IL12RB1: variants seen among roughly 807,000 people sequenced by gnomAD.
The protein encoded by IL12RB1 is interleukin 12 receptor subunit beta 1, also known as interleukin-12 receptor subunit beta-1.
In IL12RB1, 64 loss-of-function variants were observed where a neutral mutation model predicts 94.4. That is an observed-to-expected ratio of 0.68 (90% confidence interval 0.55 to 0.83). The LOEUF is 0.83. Ranked by LOEUF, IL12RB1 falls within the 40% of genes least tolerant of loss-of-function variation. The pLI is 0.00. For synonymous variants in IL12RB1, 362 were observed against 355.5 expected, an observed-to-expected ratio of 1.02 and a Z score of -0.21; for missense variants, 814 against 855.6, an observed-to-expected ratio of 0.95 and a Z score of 0.61.
chr19:18,069,471 G>T, intron 10 of IL12RB1, 75 bp downstream of exon 10: 1 of 1,374,548 alleles, frequency 7.3e-7, no homozygotes, highest in Non-Finnish European at 9.8e-7. Flanking sequence ...TGCCTTCCCT[G>T]CAGGTTTGAA....
rs117290375 is a variant in IL12RB1 at position 18,059,367 on chromosome 19, A to G, written c.*241T>C. ...CATTCCCAGTCCATTCTACGCCAGA[A>G]CAGGTAAATGGCAGGGTCTGCTCCT... On this transcript the variant is annotated 3_prime_UTR_variant, in exon 17 of 17. Coordinates refer to ENST00000593993, the MANE Select transcript of IL12RB1 (RefSeq NM_005535.3). 404 of 599,398 alleles carry G rather than the reference A, an allele frequency of 6.7e-4. 3 individuals carry two copies. In the East Asian group the frequency reaches 0.01, roughly 15 times the overall value. 37.1% of individuals were successfully genotyped at this position (599,398 alleles called of 1,614,324 possible). A position where few individuals can be genotyped will look rare whatever the true frequency, so the allele number is the denominator to read the frequency against.
chr19:18,092,422 G>A (rs1017966097), intron 1 of IL12RB1, among the ~76,000 whole-genome samples: 11 of 151,970 alleles, frequency 7.2e-5, no homozygotes, highest in Non-Finnish European at 1.6e-4. Context: ...CCTGGTAAGC[G>A]GGGTTTGCGG....
At chr19:18,061,496 C>T (rs1421290445) in intron 14 of IL12RB1, among the ~76,000 whole-genome samples, 1 of 152,142 alleles carries the variant, frequency 6.6e-6, no homozygotes, top group African/African-American at 2.4e-5. Flanking sequence ...TCCCAAAGTG[C>T]TGGGATTACA....
Position 18,071,456 on chromosome 19 carries a change from G to A in IL12RB1, c.1021+656C>T, listed in dbSNP as rs2045386. On this transcript the variant is annotated intron_variant, in intron 9 of 16. Coordinates refer to ENST00000593993, the MANE Select transcript of IL12RB1 (RefSeq NM_005535.3). ...GTGTAGCTCTATCAACCAGGGTGGA[G>A]CGCAGTGGCTCAGCTAGTTTTTGTT... 0.41 allele frequency: 191,439 copies of A among 462,620 alleles called. 40,306 individuals carry two copies. Among genetic ancestry groups the A allele is most frequent in the South Asian group, 0.52 (27,416 of 52,486 alleles). The allele number at this position is 462,620 out of a possible 1,614,324, so 28.7% of individuals were successfully genotyped here.
chr19:18,094,765 C>T (rs1383432388), intron 1 of IL12RB1, among the ~76,000 whole-genome samples: 4 of 152,186 alleles, frequency 2.6e-5, no homozygotes, highest in African/African-American at 7.2e-5. Flanking sequence ...CTCCGCCCTC[C>T]AGCCTGGGCG....
At chr19:18,065,766 C>A (rs2146153826) in intron 12 of IL12RB1, among the ~76,000 whole-genome samples, 1 of 152,128 alleles carries the variant, frequency 6.6e-6, no homozygotes, top group East Asian at 1.9e-4. Context: ...TTGCAGTGAG[C>A]TGAGATGGCG....
intron 6 of IL12RB1, 146 bp from the exon 7 acceptor site, chr19:18,076,014 C>T (rs1599522591): frequency 1.3e-6 from 1 of 798,848 alleles, no homozygotes. Context: ...AGGCCAGGCC[C>T]TGTCCTCTTA....
upstream of IL12RB1, among the ~76,000 whole-genome samples, chr19:18,089,868 C>A (rs1250959053): frequency 6.6e-6 from 1 of 152,146 alleles, no homozygotes; most frequent in Non-Finnish European, 1.5e-5. Context: ...GTCAGGCGCC[C>A]AGCAGGCTAT....
intron 1 of IL12RB1, among the ~76,000 whole-genome samples, chr19:18,086,356 G>A (rs547912418): frequency 6.6e-6 from 1 of 152,092 alleles, no homozygotes; most frequent in African/African-American, 2.4e-5. Context: ...TTGGATTTTG[G>A]TATCTGCAGA....
At chr19:18,085,740 C>T (rs955861776) in intron 1 of IL12RB1, among the ~76,000 whole-genome samples, 1 of 152,008 alleles carries the variant, frequency 6.6e-6, no homozygotes, top group African/African-American at 2.4e-5. Context: ...TCCTAAGTAG[C>T]TGGGAGTACA....
At chr19:18,086,224 GTAAATAAATAAATAAA>G (rs71833814) in intron 1 of IL12RB1, among the ~76,000 whole-genome samples, 6,323 of 140,750 alleles carry the variant, frequency 0.045, 152 homozygotes, top group East Asian at 0.072. Flanking sequence ...CCCTACCTCA[GTAAATAAATAAATAAA>G]TAAATAAATA....
intron 10 of IL12RB1, among the ~76,000 whole-genome samples, 187 bp from the exon 11 acceptor site, chr19:18,068,713 C>T (rs1022617834): frequency 5.9e-5 from 9 of 151,828 alleles, no homozygotes; most frequent in Non-Finnish European, 1.3e-4. Context: ...TCCCCATCCC[C>T]CTCTAACCCA....
chr19:18,063,835 G>T (rs370204086), intron 13 of IL12RB1, 41 bp downstream of exon 13: 1 of 1,590,184 alleles, frequency 6.3e-7, no homozygotes, highest in Non-Finnish European at 8.6e-7. Context: ...GCAGTGCAGT[G>T]CATGCTGGGT....
chr19:18,096,629 G>A (rs1261431558), intron 1 of IL12RB1, among the ~76,000 whole-genome samples: 1 of 152,030 alleles, frequency 6.6e-6, no homozygotes, highest in East Asian at 1.9e-4. Context: ...GAGGCCAGGA[G>A]TTCGAGACAA....
chr19:18,087,499 C>T (rs563752423), upstream of IL12RB1, among the ~76,000 whole-genome samples: 47 of 151,828 alleles, frequency 3.1e-4, no homozygotes, highest in Admixed American at 6.6e-4. Context: ...CGTGAGCTAC[C>T]GTGCCTGGCT....
intron 7 of IL12RB1, among the ~76,000 whole-genome samples, chr19:18,074,031 G>A (rs751953357): frequency 1.3e-5 from 2 of 152,174 alleles, no homozygotes; most frequent in Non-Finnish European, 2.9e-5. Flanking sequence ...CACCATGTTG[G>A]TCAGGCTGTT....
chr19:18,072,685 C>T (rs1568500918), intron 8 of IL12RB1, among the ~76,000 whole-genome samples: 3 of 152,066 alleles, frequency 2.0e-5, no homozygotes, highest in South Asian at 2.1e-4. Context: ...CGGGGGCTCA[C>T]GCCTCTAATC....
At chr19:18,097,822 C>A in intron 1 of IL12RB1, 1 of 1,226,998 alleles carries the variant, frequency 8.1e-7, no homozygotes, top group South Asian at 4.1e-5. Context: ...TGCGGCGCCG[C>A]GGGCTCCAGG....
intron 9 of IL12RB1, chr19:18,071,441 A>G (rs1230767419): frequency 8.8e-6 from 5 of 566,002 alleles, no homozygotes; most frequent in East Asian, 1.4e-4. Context: ...GTGTAGCTCT[A>G]TCAACCAGGG....
Sources: gnomAD v4.1 joint callset for allele counts (sites outside exome capture counted in the v4.1 genomes callset) on GRCh38, gnomAD v4.1.1 for gene constraint, MANE v1.5 for transcripts, NCBI Gene and HGNC (gene_info 2026-07-23, HGNC 2026-07-21) for gene names.